CLVS2: variants seen among roughly 807,000 people sequenced by gnomAD.
CLVS2 encodes clavesin 2.
CLVS2 carries 19 observed loss-of-function variants against 29.0 expected under a neutral mutation model. That is an observed-to-expected ratio of 0.66 (90% CI 0.46 to 0.96). The LOEUF is 0.96. Among genes scored for constraint, CLVS2 ranks in the 40% least tolerant of loss-of-function variants. CLVS2 has a pLI of 0.00. For synonymous variants in CLVS2, 161 were observed against 151.3 expected, an observed-to-expected ratio of 1.06 and a Z score of -0.47; for missense variants, 294 against 404.1, an observed-to-expected ratio of 0.73 and a Z score of 2.34.
intron 2 of CLVS2, among the ~76,000 whole-genome samples, chr6:123,000,667 C>G (rs1442100903): frequency 1.3e-5 from 2 of 152,170 alleles, no homozygotes; most frequent in Non-Finnish European, 2.9e-5. Context: ...TCCCTCATCC[C>G]TCCCCTGTTC....
intron 2 of CLVS2, among the ~76,000 whole-genome samples, chr6:123,009,796 A>C (rs1774722943): frequency 6.6e-6 from 1 of 152,022 alleles, no homozygotes; most frequent in Non-Finnish European, 1.5e-5. Flanking sequence ...ATTTCTAGGG[A>C]TTCCCTTTTT....
intron 2 of CLVS2, among the ~76,000 whole-genome samples, chr6:123,001,003 C>G (rs1465029945): frequency 2.0e-5 from 3 of 152,038 alleles, no homozygotes; most frequent in African/African-American, 7.2e-5. Context: ...TCGTAAAGAC[C>G]CCCAATAGAA....
At chr6:123,052,887 G>C (rs921238569) in intron 4 of CLVS2, among the ~76,000 whole-genome samples, 2 of 149,710 alleles carry the variant, frequency 1.3e-5, no homozygotes, top group Admixed American at 6.6e-5. Flanking sequence ...CAGTTATGGA[G>C]TTTGAAAAAG....
At chr6:123,009,011 A>G (rs1298048233) in intron 2 of CLVS2, among the ~76,000 whole-genome samples, 1 of 152,066 alleles carries the variant, frequency 6.6e-6, no homozygotes, top group Non-Finnish European at 1.5e-5. Flanking sequence ...ATCATTTCTG[A>G]TTTATACTCT....
chr6:123,034,173 A>G (rs184991969), intron 3 of CLVS2, among the ~76,000 whole-genome samples: 138 of 152,312 alleles, frequency 9.1e-4, no homozygotes, highest in African/African-American at 3.2e-3. Context: ...AAAGCTGAAC[A>G]TGAGACCATA....
At chr6:123,024,633 T>G (rs1236437691) in intron 3 of CLVS2, among the ~76,000 whole-genome samples, 2 of 152,090 alleles carry the variant, frequency 1.3e-5, no homozygotes, top group Non-Finnish European at 2.9e-5. Context: ...ATCTCAGGCA[T>G]TTGAAAGATT....
Position 123,066,490 on chromosome 6 carries a change from T to G in CLVS2, c.*2729T>G, listed in dbSNP as rs1406899600. On this transcript the variant is annotated 3_prime_UTR_variant, in exon 6 of 6. Transcript: ENST00000275162. ...GAAATTTGCGGGCTTCAAAGAATTA[T>G]CGCATTTGACTTGGAATGGTCCAGT... The G allele has an allele frequency of 1.3e-5, 2 of 151,816 alleles. No homozygotes were observed. The highest frequency in any genetic ancestry group is 2.4e-5 in the African/African-American group (1 of 41,412). The allele number at this position is 151,816 out of a possible 1,614,324, so 9.4% of individuals were successfully genotyped here.
rs997293738 is a variant in CLVS2, at chr6:123,025,294, A to G, written c.564+14135A>G. 9.2e-5 allele frequency among the ~76,000 whole-genome samples: 14 copies of G among 152,076 alleles called. No individual in the cohort carries two copies. The South Asian group carries it at 1.0e-3, about 11-fold the overall frequency. On this transcript the variant is annotated intron_variant, in intron 3 of 5. Transcript: ENST00000275162. ...TGAATAGGTGCAAAAAAATGAATAA[A>G]TGGAGTTTTAGCTGTGATCTGATTC... is the stretch of plus-strand genomic sequence containing the variant.
chr6:123,068,717 T>A lies in CLVS2; in HGVS notation c.*4956T>A, dbSNP rs963030239. 1 of 151,768 alleles carries A rather than the reference T, an allele frequency of 6.6e-6. No individual in the cohort carries two copies. Among genetic ancestry groups the A allele is most frequent in the Non-Finnish European group, 1.5e-5 (1 of 67,754 alleles). The allele number at this position is 151,768 out of a possible 1,614,324, so 9.4% of individuals were successfully genotyped here. A position where few individuals can be genotyped will look rare whatever the true frequency, so the allele number is the denominator to read the frequency against. ...TATATTATTTGCTATTTTACTCAAA[T>A]GTTATTAATTTTTACTACTACAAAC... On this transcript the variant is annotated 3_prime_UTR_variant, in exon 6 of 6. Transcript: ENST00000275162.
At chr6:123,026,997 A>G (rs928708688) in intron 3 of CLVS2, among the ~76,000 whole-genome samples, 2 of 152,122 alleles carry the variant, frequency 1.3e-5, no homozygotes, top group African/African-American at 2.4e-5. Flanking sequence ...GGGTATGTGG[A>G]GAGATGTACG....
At chr6:123,007,099 T>C (rs80002764) in intron 2 of CLVS2, among the ~76,000 whole-genome samples, 13 of 152,208 alleles carry the variant, frequency 8.5e-5, no homozygotes, top group African/African-American at 3.1e-4. Context: ...TTGTTTCATT[T>C]TGTCCTCACA....
chr6:123,027,215 A>AAGAT (rs2114328902), intron 3 of CLVS2, among the ~76,000 whole-genome samples: 1 of 152,322 alleles, frequency 6.6e-6, no homozygotes, highest in Admixed American at 6.5e-5. Flanking sequence ...AATCAGTGAC[A>AAGAT]TCTTGAGTAG....
At chr6:123,008,938 T>C (rs1459859733) in intron 2 of CLVS2, among the ~76,000 whole-genome samples, 1 of 152,120 alleles carries the variant, frequency 6.6e-6, no homozygotes, top group Non-Finnish European at 1.5e-5. Flanking sequence ...GTTTTTTGGA[T>C]GCTGTATCCC....
intron 2 of CLVS2, among the ~76,000 whole-genome samples, chr6:123,000,847 A>C (rs1774579241): frequency 6.6e-6 from 1 of 152,242 alleles, no homozygotes; most frequent in South Asian, 2.1e-4. Flanking sequence ...GTTTTAAAGA[A>C]ACAGTGTGTG....
chr6:122,999,380 C>A (rs997550564), intron 2 of CLVS2, among the ~76,000 whole-genome samples: 5 of 152,004 alleles, frequency 3.3e-5, no homozygotes, highest in African/African-American at 1.2e-4. Context: ...TCTAGGTTGA[C>A]AATCACTCCA....
At chr6:123,009,676 T>G (rs762588685) in intron 2 of CLVS2, among the ~76,000 whole-genome samples, 2 of 152,074 alleles carry the variant, frequency 1.3e-5, no homozygotes, top group Non-Finnish European at 2.9e-5. Context: ...TAGCTATTCC[T>G]GAAATCTCTC....
At chr6:123,003,502 G>C (rs1490678567) in intron 2 of CLVS2, among the ~76,000 whole-genome samples, 1 of 152,078 alleles carries the variant, frequency 6.6e-6, no homozygotes, top group Non-Finnish European at 1.5e-5. Context: ...TAACATGAAG[G>C]AAAGGATACT....
At chr6:123,026,302 T>C (rs1775000415) in intron 3 of CLVS2, among the ~76,000 whole-genome samples, 1 of 152,140 alleles carries the variant, frequency 6.6e-6, no homozygotes, top group Admixed American at 6.6e-5. Flanking sequence ...TTTTCTGCAT[T>C]TTACATATTT....
At position 123,057,596 on chromosome 6, in the gene CLVS2, G is replaced by A. The variant is rs115923301; in HGVS notation, c.896+1570G>A. On this transcript the variant is annotated intron_variant, in intron 5 of 5. Transcript: ENST00000275162. ...CCTGACCTCATGATCCACCTGCCTCGGCCTCCAAAATACTGGGATTACAGG... is the reference window on the plus strand; with the variant it reads ...CCTGACCTCATGATCCACCTGCCTCAGCCTCCAAAATACTGGGATTACAGG... Among the ~76,000 whole-genome samples the A allele has an allele frequency of 7.2e-4, 110 of 151,818 alleles. 1 individual carries two copies. Among genetic ancestry groups the A allele is most frequent in the African/African-American group, 2.5e-3 (103 of 41,404 alleles).
Sources: gnomAD v4.1 joint callset for allele counts (sites outside exome capture counted in the v4.1 genomes callset) on GRCh38, gnomAD v4.1.1 for gene constraint, MANE v1.5 for transcripts, NCBI Gene and HGNC (gene_info 2026-07-23, HGNC 2026-07-21) for gene names.